Variants in RPL4 observed in about 807,000 individuals in gnomAD.
RPL4 encodes the protein ribosomal protein L4.
RPL4 carries 3 observed loss-of-function variants against 47.7 expected under a neutral mutation model. The observed-to-expected ratio is 0.06, with a 90% confidence interval of 0.03 to 0.16. RPL4 has a LOEUF of 0.16. Among genes scored for constraint, RPL4 ranks in the 10% least tolerant of loss-of-function variants. The pLI, the probability that RPL4 is intolerant of heterozygous loss-of-function variation, is 1.00. For synonymous variants in RPL4, 208 were observed against 182.1 expected (o/e 1.14, Z -1.15); for missense variants, 413 against 551.3 (o/e 0.75, Z 2.51).
chr15:66,504,209 A>G (rs1893696339), intron 1 of RPL4, among the ~76,000 whole-genome samples: 1 of 152,066 alleles, frequency 6.6e-6, no homozygotes, highest in South Asian at 2.1e-4. Context: ...CCTATTCCCT[A>G]TGTTTTCATC....
Position 66,503,180 on chromosome 15 carries a change from G to A in RPL4, c.176-16C>T, listed in dbSNP as rs766775453. 1.2e-6 allele frequency: 2 copies of A among 1,611,984 alleles called. No homozygotes were observed. The highest frequency in any genetic ancestry group is 1.7e-6 in the Non-Finnish European group (2 of 1,178,280). ...GTCTGATGACCTAAAATTGAGAAGAGATAAAAGTTGTAGCTGCTTCATCAT... is the reference window on the plus strand; with the variant it reads ...GTCTGATGACCTAAAATTGAGAAGAAATAAAAGTTGTAGCTGCTTCATCAT... On this transcript the variant is annotated splice_polypyrimidine_tract_variant and intron_variant, in intron 2 of 9. Coordinates refer to ENST00000307961, the MANE Select transcript of RPL4 (RefSeq NM_000968.4).
chr15:66,502,005 T>C, intron 4 of RPL4, 93 bp from the exon 5 acceptor site: 1 of 1,506,540 alleles, frequency 6.6e-7, no homozygotes, highest in South Asian at 1.2e-5. Context: ...AAAAGCAAAA[T>C]GGTATTCCGT....
In RPL4 at chr15:66,501,792, T is replaced by C. The variant is rs1175639580; in HGVS notation, c.542A>G (p.Lys181Arg). 1 of 1,609,528 alleles carries C rather than the reference T, an allele frequency of 6.2e-7. No homozygotes were observed. ...AAATGTGCTCATTGAACGGACCTTT[T>C]TGATATCATTCCAGGCTTTAAGTTT... ...LKKLKAWNDI[K>R]KVYASQRMRA... The change falls in exon 5 of 10, where the codon AAA becomes AGA. Residue 181 changes from lysine (K) to arginine (R), a missense_variant. This residue lies in a region of RPL4 where 214 missense variants were observed against 304.2 expected (regional missense o/e 0.70). Transcript: ENST00000307961.
intron 1 of RPL4, among the ~76,000 whole-genome samples, chr15:66,504,332 T>C (rs924100458): frequency 1.3e-5 from 2 of 152,230 alleles, no homozygotes; most frequent in African/African-American, 2.4e-5. Flanking sequence ...CTACATAGTA[T>C]ATACGAACAC....
chr15:66,502,428 T>G (rs1460421673), intron 4 of RPL4, 184 bp downstream of exon 4: 5 of 654,902 alleles, frequency 7.6e-6, no homozygotes, highest in Non-Finnish European at 1.3e-5. Context: ...ATGCACTCAT[T>G]TGTCAAGATC....
At position 66,501,081 on chromosome 15, in the gene RPL4, T is replaced by C; in HGVS notation, c.701A>G (p.Lys234Arg). The stretch of plus-strand genomic sequence containing the variant: ...AGGAGCAAGCTTCAAAATGTTCAGC[T>C]TGCTTACATTAAGCAGAGTAATTCC... The part of the protein sequence containing the change: ...IPGITLLNVS[K>R]LNILKLAPGG... The change falls in exon 7 of 10, where the codon AAG becomes AGG. Residue 234 changes from lysine (K) to arginine (R), a missense_variant. Transcript: ENST00000307961. The C allele has an allele frequency of 6.2e-7, 1 of 1,614,082 alleles. No individual in the cohort carries two copies. The highest frequency in any genetic ancestry group is 8.5e-7 in the Non-Finnish European group (1 of 1,180,026).
intron 4 of RPL4, chr15:66,502,142 G>C (rs1893631764): frequency 7.5e-6 from 5 of 667,592 alleles, no homozygotes; most frequent in Non-Finnish European, 1.4e-5. Flanking sequence ...TAAGTTGGAA[G>C]TTTTCTAAGG....
At chr15:66,502,524 G>T in intron 4 of RPL4, 88 bp downstream of exon 4, 5 of 1,383,170 alleles carry the variant, frequency 3.6e-6, no homozygotes, top group Non-Finnish European at 5.0e-6. Flanking sequence ...TCTTGAAATG[G>T]GTTACTGTGA....
intron 7 of RPL4, chr15:66,500,733 G>A (rs904609981): frequency 6.6e-6 from 4 of 601,604 alleles, no homozygotes; most frequent in Non-Finnish European, 1.2e-5. Flanking sequence ...AGTAAGCCAC[G>A]ATCACACCAC....
At chr15:66,504,019 T>G (rs180850853) in intron 1 of RPL4, among the ~76,000 whole-genome samples, 1 of 152,054 alleles carries the variant, frequency 6.6e-6, no homozygotes, top group African/African-American at 2.4e-5. Context: ...ACCTACACCA[T>G]CTTCTCTACT....
intron 3 of RPL4, 111 bp from the exon 4 acceptor site, chr15:66,502,861 G>A: frequency 6.6e-7 from 1 of 1,526,606 alleles, no homozygotes; most frequent in African/African-American, 1.4e-5. Context: ...ACTGACAGCA[G>A]GCAACTGTCG....
Position 66,500,278 on chromosome 15 carries a change from T to G in RPL4, c.917+15A>C. The G allele has an allele frequency of 6.2e-7, 1 of 1,614,006 alleles. No homozygotes were observed. The highest frequency in any genetic ancestry group is 1.1e-5 in the South Asian group (1 of 91,074). On this transcript the variant is annotated intron_variant, in intron 8 of 9. Coordinates refer to ENST00000307961, the MANE Select transcript of RPL4 (RefSeq NM_000968.4). ...TAGGGTTGGGGCGAGAATTACACTC[T>G]AAGTATCACTTTACCGTGGTGCTCG...
At position 66,500,095 on chromosome 15, in the gene RPL4, C is replaced by A. The variant is rs1418064639; in HGVS notation, c.999G>T (p.Lys333Asn). The A allele has an allele frequency of 6.2e-7, 1 of 1,612,416 alleles. No individual in the cohort carries two copies. The change falls in exon 9 of 10, where the codon AAG (lysine) becomes AAT (asparagine). Residue 333 changes from lysine to asparagine, a missense_variant. This residue lies in a region of RPL4 where 134 missense variants were observed against 122.7 expected (regional missense o/e 1.09). Coordinates refer to ENST00000307961, the MANE Select transcript of RPL4 (RefSeq NM_000968.4). ...RIMLKLNPYA[K>N]TMRRNTILRQ... ...GAAGAATGGTGTTCCGGCGCATGGT[C>A]TTTGCATATGGGTTTAGCTTCAACA...
chr15:66,498,410 T>C lies in RPL4; in HGVS notation c.*997A>G, dbSNP rs1478801114. On this transcript the variant is annotated 3_prime_UTR_variant, in exon 10 of 10. Coordinates refer to ENST00000307961, the MANE Select transcript of RPL4 (RefSeq NM_000968.4). ...CAGTTCGAGACTGTCAGAGAGAAGC[T>C]GACAGTTTAACAATCCAGATGCAAA... is the stretch of plus-strand genomic sequence containing the variant. 1 of 152,178 alleles carries C rather than the reference T, an allele frequency of 6.6e-6. No individual in the cohort carries two copies. The highest frequency in any genetic ancestry group is 6.5e-5 in the Admixed American group (1 of 15,284). The allele number at this position is 152,178 out of a possible 1,614,324, so 9.4% of individuals were successfully genotyped here. A position where few individuals can be genotyped will look rare whatever the true frequency, so the allele number is the denominator to read the frequency against.
At chr15:66,503,861 A>G (rs766557598) in intron 1 of RPL4, among the ~76,000 whole-genome samples, 8 of 152,150 alleles carry the variant, frequency 5.3e-5, no homozygotes, top group Non-Finnish European at 1.0e-4. Context: ...GGCTCTACTC[A>G]TCCCAACTTC....
chr15:66,503,574 G>A, intron 1 of RPL4, 45 bp from the exon 2 acceptor site: 1 of 1,540,842 alleles, frequency 6.5e-7, no homozygotes, highest in Non-Finnish European at 8.8e-7. Flanking sequence ...AGTAATGTTT[G>A]AAGCAAACTC....
rs761401663 is a variant in RPL4, at chr15:66,501,496, G to C, written c.555C>G (p.Ala185=). The change falls in exon 6 of 10, where the codon GCC becomes GCG. Residue 185 remains alanine (A), a synonymous_variant. Coordinates refer to ENST00000307961, the MANE Select transcript of RPL4 (RefSeq NM_000968.4). ...CTTTGCCAGCTCTCATTCGCTGAGA[G>C]GCATAGACCTACAAAGTGAGCAGTT... ...KAWNDIKKVY[A]SQRMRAGKGK... 2 of 1,614,022 alleles carry C rather than the reference G, an allele frequency of 1.2e-6. No homozygotes were observed. The highest frequency in any genetic ancestry group is 1.7e-6 in the Non-Finnish European group (2 of 1,180,052).
At chr15:66,501,961 A>G (rs773281989) in intron 4 of RPL4, 49 bp from the exon 5 acceptor site, 3 of 876,758 alleles carry the variant, frequency 3.4e-6, no homozygotes, top group Non-Finnish European at 3.1e-6. Context: ...ACTTTTGGAG[A>G]AAAAAAAAAA....
Position 66,503,205 on chromosome 15 carries a change from T to C in RPL4, c.176-41A>G, listed in dbSNP as rs80074076. On this transcript the variant is annotated intron_variant, in intron 2 of 9. Transcript: ENST00000307961. ...GATAAAAGTTGTAGCTGCTTCATCA[T>C]ACATACCAACCCATGACTATTATGC... The C allele has an allele frequency of 6.0e-3, 9,587 of 1,601,854 alleles. 38 individuals carry two copies. Among genetic ancestry groups the C allele is most frequent in the Non-Finnish European group, 7.8e-3 (9,079 of 1,168,994 alleles).
Sources: gnomAD v4.1 joint callset for allele counts (sites outside exome capture counted in the v4.1 genomes callset) on GRCh38, gnomAD v4.1.1 for gene constraint, gnomAD v4.1.1 regional missense constraint, MANE v1.5 for transcripts, NCBI Gene and HGNC (gene_info 2026-07-23, HGNC 2026-07-21) for gene names.